The following FXR1 variants were observed in gnomAD, a reference collection of about 807,000 sequenced individuals.
FXR1 encodes FMR1 autosomal homolog 1.
A neutral mutation model predicts 84.0 loss-of-function variants in FXR1; 15 were observed. That is an observed-to-expected ratio of 0.18 (90% CI 0.12 to 0.27). The LOEUF (loss-of-function observed/expected upper bound fraction) is 0.27. Among genes scored for constraint, FXR1 ranks in the 10% least tolerant of loss-of-function variants. The pLI is 1.00. For missense variants in FXR1, 480 were observed against 774.4 expected, an observed-to-expected ratio of 0.62 and a Z score of 4.51; for synonymous variants, 245 against 250.7, an observed-to-expected ratio of 0.98 and a Z score of 0.21.
At chr3:180,966,568 AAAT>A (rs760464806) in intron 13 of FXR1, among the ~76,000 whole-genome samples, 22 of 152,206 alleles carry the variant, frequency 1.4e-4, no homozygotes, top group Admixed American at 3.9e-4. Flanking sequence ...ATGAACTTCA[AAAT>A]AATGCAGCAA....
rs775884995 is a variant in FXR1, at chr3:180,976,168, A to G, written c.1742A>G (p.Asn581Ser). The G allele has an allele frequency of 1.1e-4, 183 of 1,613,354 alleles. No individual in the cohort carries two copies. Among genetic ancestry groups the G allele is most frequent in the Non-Finnish European group, 1.5e-4 (173 of 1,179,560 alleles). The change falls in exon 17 of 17, where the codon AAC becomes AGC. Residue 581 changes from asparagine (N) to serine (S), a missense_variant. Coordinates refer to ENST00000357559, the MANE Select transcript of FXR1 (RefSeq NM_005087.4). ...EEHGPSEKAINGPTSASGDDI... is the reference protein window; with the variant it reads ...EEHGPSEKAISGPTSASGDDI... ...CATGGTCCTTCAGAAAAGGCAATAA[A>G]CGGCCCAACTAGTGCTTCTGGCGAT...
chr3:180,914,637 A>ATT, intron 1 of FXR1: 5 of 319,520 alleles, frequency 1.6e-5, no homozygotes, highest in Non-Finnish European at 2.2e-5. Context: ...TTCTCACGGT[A>ATT]TTTTTTTTTT....
intron 9 of FXR1, among the ~76,000 whole-genome samples, chr3:180,955,762 T>C (rs1722684694): frequency 6.6e-6 from 1 of 152,196 alleles, no homozygotes; most frequent in African/African-American, 2.4e-5. Context: ...TAGAGAGTTG[T>C]GGTAGGTGTT....
At chr3:180,945,244 CATTT>C (rs1232859414) in intron 3 of FXR1, among the ~76,000 whole-genome samples, 1 of 152,224 alleles carries the variant, frequency 6.6e-6, no homozygotes, top group Non-Finnish European at 1.5e-5. Flanking sequence ...AATTTTAGCA[CATTT>C]AGTCAGTTGG....
chr3:180,925,269 A>G (rs1401608426), intron 1 of FXR1, among the ~76,000 whole-genome samples: 5 of 152,000 alleles, frequency 3.3e-5, no homozygotes, highest in Non-Finnish European at 7.4e-5. Context: ...GCTAAGGCAG[A>G]AGAATCGCTT....
At chr3:180,945,868 ATTGT>A (rs1485720667) in intron 3 of FXR1, among the ~76,000 whole-genome samples, 5 of 152,174 alleles carry the variant, frequency 3.3e-5, no homozygotes, top group Non-Finnish European at 1.5e-5. Flanking sequence ...TTAGAAATAC[ATTGT>A]TTGAGAACAA....
At chr3:180,924,837 C>T (rs1280598073) in intron 1 of FXR1, among the ~76,000 whole-genome samples, 1 of 152,082 alleles carries the variant, frequency 6.6e-6, no homozygotes, top group Non-Finnish European at 1.5e-5. Flanking sequence ...TTGTCAGAGG[C>T]ACTGTACCAT....
chr3:180,960,192 A>G (rs951005992), intron 10 of FXR1, among the ~76,000 whole-genome samples: 2 of 152,200 alleles, frequency 1.3e-5, no homozygotes, highest in Non-Finnish European at 2.9e-5. Flanking sequence ...AAGTAAACCA[A>G]GTCTGGCCTA....
chr3:180,929,767 T>C (rs558736259), intron 1 of FXR1, among the ~76,000 whole-genome samples: 1 of 152,232 alleles, frequency 6.6e-6, no homozygotes, highest in Non-Finnish European at 1.5e-5. Flanking sequence ...TTAAAAGTAT[T>C]GACTGTGTCC....
intron 1 of FXR1, chr3:180,915,705 G>T: frequency 1.4e-6 from 1 of 697,956 alleles, no homozygotes; most frequent in Non-Finnish European, 2.6e-6. Flanking sequence ...CCGTAAGTGT[G>T]AATTGCCATT....
At chr3:180,961,695 G>T in intron 11 of FXR1, 141 bp downstream of exon 11, 1 of 489,124 alleles carries the variant, frequency 2.0e-6, no homozygotes, top group Non-Finnish European at 3.6e-6. Flanking sequence ...AATATTTTTT[G>T]TTAATTCAGC....
At chr3:180,975,905 G>C (rs542547838) in intron 16 of FXR1, among the ~76,000 whole-genome samples, 1 of 152,086 alleles carries the variant, frequency 6.6e-6, no homozygotes, top group Admixed American at 6.6e-5. Flanking sequence ...CTGTGGTTTG[G>C]GCACTGCTAG....
chr3:180,975,535 C>T, intron 16 of FXR1, 131 bp downstream of exon 16: 1 of 461,198 alleles, frequency 2.2e-6, no homozygotes. Flanking sequence ...GTTAAAGACT[C>T]TTGAATATGT....
intron 1 of FXR1, among the ~76,000 whole-genome samples, chr3:180,925,710 A>G (rs1719092861): frequency 6.6e-6 from 1 of 152,188 alleles, no homozygotes; most frequent in South Asian, 2.1e-4. Flanking sequence ...ATTCAAATTG[A>G]TGGGCTGGAA....
At chr3:180,925,232 G>A (rs1440573155) in intron 1 of FXR1, among the ~76,000 whole-genome samples, 10 of 151,952 alleles carry the variant, frequency 6.6e-5, no homozygotes, top group East Asian at 1.9e-4. Flanking sequence ...ATGGTGGCAC[G>A]TGCCTCTAGT....
intron 13 of FXR1, among the ~76,000 whole-genome samples, chr3:180,964,130 TTA>T (rs1186069733): frequency 6.6e-6 from 1 of 152,204 alleles, no homozygotes; most frequent in African/African-American, 2.4e-5. Flanking sequence ...TCTCATTTTC[TTA>T]TATATGTTTT....
At chr3:180,916,888 G>A (rs1717959266) in intron 1 of FXR1, among the ~76,000 whole-genome samples, 1 of 152,136 alleles carries the variant, frequency 6.6e-6, no homozygotes, top group African/African-American at 2.4e-5. Context: ...AGGCTGGAGT[G>A]CAGTGGTGCA....
chr3:180,935,953 G>A (rs770310204), intron 3 of FXR1, among the ~76,000 whole-genome samples: 2 of 151,932 alleles, frequency 1.3e-5, no homozygotes, highest in Non-Finnish European at 2.9e-5. Context: ...GTGCAATGGC[G>A]CGATCTTGGC....
At chr3:180,941,170 C>CTT (rs1264535964) in intron 3 of FXR1, among the ~76,000 whole-genome samples, 8 of 149,964 alleles carry the variant, frequency 5.3e-5, no homozygotes. Context: ...TCTTTTACAA[C>CTT]TTTTTAGATT....
Sources: gnomAD v4.1 joint callset for allele counts (sites outside exome capture counted in the v4.1 genomes callset) on GRCh38, gnomAD v4.1.1 for gene constraint, MANE v1.5 for transcripts, NCBI Gene and HGNC (gene_info 2026-07-23, HGNC 2026-07-21) for gene names.